Variants in GNG7 observed in about 807,000 individuals in gnomAD.
GNG7 encodes the protein guanine nucleotide-binding protein G(I)/G(S)/G(O) subunit gamma-7.
Under a neutral mutation model 4.0 loss-of-function variants are expected in GNG7, and 1 was observed. That is an observed-to-expected ratio of 0.25 (90% CI 0.09 to 1.18). The LOEUF is 1.18. GNG7 is among the 50% of genes most tolerant of loss of function. The probability of loss-of-function intolerance (pLI) is 0.50; values close to 1 mark genes in which losing one functional copy is unlikely to be tolerated. For missense variants in GNG7, 86 were observed against 91.9 expected (o/e 0.94, Z 0.26); for synonymous variants, 34 against 36.9 (o/e 0.92, Z 0.29).
intron 2 of GNG7, among the ~76,000 whole-genome samples, chr19:2,591,070 C>A (rs980231246): frequency 1.1e-4 from 16 of 152,264 alleles, no homozygotes; most frequent in African/African-American, 3.6e-4. Context: ...CTTTATTTTT[C>A]AAAGTTGAGC....
At chr19:2,523,141 A>G (rs571851805) in intron 3 of GNG7, among the ~76,000 whole-genome samples, 96 of 151,828 alleles carry the variant, frequency 6.3e-4, no homozygotes, top group African/African-American at 2.1e-3. Context: ...TGCTGGGATT[A>G]CAGGCATGAG....
intron 2 of GNG7, among the ~76,000 whole-genome samples, chr19:2,645,208 T>TTTTC (rs1225363049): frequency 3.3e-5 from 5 of 151,184 alleles, no homozygotes; most frequent in Admixed American, 2.0e-4. Flanking sequence ...TCTTTTCTGT[T>TTTTC]TTTCTTTCTT....
chr19:2,624,141 G>C (rs1342022289), intron 2 of GNG7, among the ~76,000 whole-genome samples: 5 of 152,092 alleles, frequency 3.3e-5, no homozygotes, highest in Non-Finnish European at 7.4e-5. Context: ...GATGGGTGCA[G>C]CACCATGCAA....
At chr19:2,515,245 C>T in intron 4 of GNG7, 98 bp from the exon 5 acceptor site, 1 of 1,504,052 alleles carries the variant, frequency 6.6e-7, no homozygotes, top group Non-Finnish European at 9.1e-7. Flanking sequence ...CAGGCGGAAA[C>T]AGCTCAGGAG....
At chr19:2,580,255 G>A (rs1026599888) in intron 2 of GNG7, among the ~76,000 whole-genome samples, 2 of 151,396 alleles carry the variant, frequency 1.3e-5, no homozygotes, top group Admixed American at 1.3e-4. Context: ...GCAGGGATAG[G>A]ACGCAGCCCT....
At chr19:2,602,627 G>A (rs1045555793) in intron 2 of GNG7, among the ~76,000 whole-genome samples, 2 of 152,232 alleles carry the variant, frequency 1.3e-5, no homozygotes, top group African/African-American at 4.8e-5. Flanking sequence ...GAACCACTAC[G>A]CAATCGTCAC....
chr19:2,575,558 C>T lies in GNG7; in HGVS notation c.-77-20370G>A, dbSNP rs376707090. Among the ~76,000 whole-genome samples the T allele has an allele frequency of 3.4e-3, 292 of 85,906 alleles. 2 individuals carry two copies. The highest frequency in any genetic ancestry group is 0.015 in the South Asian group (50 of 3,378). The allele number at this position is 85,906 out of a possible 152,430, so 56.4% of individuals were successfully genotyped here. On this transcript the variant is annotated intron_variant, in intron 2 of 4. Coordinates refer to ENST00000382159, the MANE Select transcript of GNG7 (RefSeq NM_052847.3). ...GCAGACAGGCAGGCACACGCAGACACACGCAGGCACACGCAGACACGCAGG... is the reference window on the plus strand; with the variant it reads ...GCAGACAGGCAGGCACACGCAGACATACGCAGGCACACGCAGACACGCAGG...
At chr19:2,684,700 G>C (rs1983828141) in intron 1 of GNG7, among the ~76,000 whole-genome samples, 2 of 152,108 alleles carry the variant, frequency 1.3e-5, no homozygotes, top group East Asian at 3.9e-4. Context: ...ACGGAAAGTA[G>C]GATGGGGGCC....
chr19:2,609,152 G>A lies in GNG7; in HGVS notation c.-78+37072C>T, dbSNP rs979263493. Among the ~76,000 whole-genome samples, 1 of 151,870 alleles carries A rather than the reference G, an allele frequency of 6.6e-6. No homozygotes were observed. The highest frequency in any genetic ancestry group is 2.4e-5 in the African/African-American group (1 of 41,328). Reference sequence around the variant, plus strand: ...AGCAATCCTCCTGCCTTAGCCTCCCGAGTAGCTGGGATTACAGGCATGCAC... The same window carrying A: ...AGCAATCCTCCTGCCTTAGCCTCCCAAGTAGCTGGGATTACAGGCATGCAC... On this transcript the variant is annotated intron_variant, in intron 2 of 4. Transcript: ENST00000382159. This position sits in a 1 kb window ranked among gnomAD's most constrained non-coding sequence, Gnocchi z 4.4.
intron 1 of GNG7, among the ~76,000 whole-genome samples, chr19:2,666,204 C>T (rs1363683022): frequency 3.9e-5 from 6 of 151,930 alleles, no homozygotes; most frequent in Non-Finnish European, 8.8e-5. Context: ...CAGAGTCTTG[C>T]TCTTGTCGCC....
At chr19:2,661,286 G>GAA (rs1456792217) in intron 1 of GNG7, among the ~76,000 whole-genome samples, 6 of 37,298 alleles carry the variant, frequency 1.6e-4, no homozygotes, top group Admixed American at 5.9e-4. Flanking sequence ...AAGAAAGAAA[G>GAA]AAAGAAAGAA....
intron 3 of GNG7, among the ~76,000 whole-genome samples, chr19:2,551,017 G>GC (rs1323766732): frequency 1.3e-5 from 2 of 152,294 alleles, no homozygotes; most frequent in African/African-American, 4.8e-5. Flanking sequence ...AGCAGATGCT[G>GC]CAGCATAGGG....
rs553891449 is a variant in GNG7, at chr19:2,538,821, T to C, written c.-38+16328A>G. 2.6e-4 allele frequency: 91 copies of C among 346,342 alleles called. 1 individual carries two copies. Among genetic ancestry groups the C allele is most frequent in the South Asian group, 2.1e-3 (90 of 42,484 alleles). The allele number at this position is 346,342 out of a possible 1,614,324, so 21.5% of individuals were successfully genotyped here. A position where few individuals can be genotyped will look rare whatever the true frequency, so the allele number is the denominator to read the frequency against. ...TCTCACTCTGTCTCCCAGGCTGGAGTGCAGTGGCGCAATCTCAGCTCACTG... is the reference window on the plus strand; with the variant it reads ...TCTCACTCTGTCTCCCAGGCTGGAGCGCAGTGGCGCAATCTCAGCTCACTG... On this transcript the variant is annotated intron_variant, in intron 3 of 4. Coordinates refer to ENST00000382159, the MANE Select transcript of GNG7 (RefSeq NM_052847.3).
At chr19:2,650,468 G>T (rs1982782658) in intron 1 of GNG7, among the ~76,000 whole-genome samples, 1 of 152,104 alleles carries the variant, frequency 6.6e-6, no homozygotes, top group South Asian at 2.1e-4. Context: ...GGGATTACAG[G>T]CAACAATGAT....
At chr19:2,635,215 G>A (rs1201638178) in intron 2 of GNG7, among the ~76,000 whole-genome samples, 1 of 151,686 alleles carries the variant, frequency 6.6e-6, no homozygotes, top group African/African-American at 2.4e-5. Context: ...GCAGGTGGGT[G>A]CAGGTGGGCA....
At chr19:2,649,325 A>G (rs1166043168) in intron 1 of GNG7, among the ~76,000 whole-genome samples, 2 of 151,824 alleles carry the variant, frequency 1.3e-5, no homozygotes, top group African/African-American at 2.4e-5. Flanking sequence ...CAACTAGGGC[A>G]CATCTTATCA....
intron 2 of GNG7, among the ~76,000 whole-genome samples, chr19:2,613,075 A>C: frequency 6.6e-6 from 1 of 152,166 alleles, no homozygotes; most frequent in East Asian, 1.9e-4. Context: ...ATGGCCCTGC[A>C]GCCAGGTAGA....
In GNG7 at chr19:2,614,216, T is replaced by A. The variant is rs1467224281; in HGVS notation, c.-78+32008A>T. Among the ~76,000 whole-genome samples the A allele has an allele frequency of 1.3e-5, 2 of 152,102 alleles. No individual in the cohort carries two copies. Among genetic ancestry groups the A allele is most frequent in the East Asian group, 3.9e-4 (2 of 5,174 alleles). Reference sequence around the variant, plus strand: ...TCCCCCAGCTACAGCCTGAGCATGGTCGCCAGAAAGCAGGTGCGGCGACTT... The same window carrying A: ...TCCCCCAGCTACAGCCTGAGCATGGACGCCAGAAAGCAGGTGCGGCGACTT... On this transcript the variant is annotated intron_variant, in intron 2 of 4. Coordinates refer to ENST00000382159, the MANE Select transcript of GNG7 (RefSeq NM_052847.3). This position sits in a 1 kb window ranked among gnomAD's most constrained non-coding sequence, Gnocchi z 6.0.
chr19:2,656,054 A>AAAAAAG (rs1982966599), intron 1 of GNG7, among the ~76,000 whole-genome samples: 1 of 148,776 alleles, frequency 6.7e-6, no homozygotes, highest in South Asian at 2.1e-4. Context: ...GAAAGAAAGA[A>AAAAAAG]AAAAAAAAGA....
Sources: allele counts gnomAD v4.1 joint callset (sites outside exome capture counted in the v4.1 genomes callset), GRCh38; gene constraint gnomAD v4.1.1; non-coding constraint Gnocchi (gnomAD v3.1); transcripts MANE v1.5; gene names NCBI Gene and HGNC (gene_info 2026-07-23, HGNC 2026-07-21).